HOMER1: variants seen among roughly 807,000 people sequenced by gnomAD.
HOMER1 encodes homer scaffold protein 1.
A neutral mutation model predicts 48.9 loss-of-function variants in HOMER1; 3 were observed. The ratio of observed to expected loss-of-function variants is 0.06; its 90% CI spans 0.03 to 0.16. The LOEUF (loss-of-function observed/expected upper bound fraction) is 0.16, where lower values mean the gene tolerates loss of function less well. Ranked by LOEUF, HOMER1 falls within the 10% of genes least tolerant of loss-of-function variation. The pLI is 1.00. For synonymous variants in HOMER1, 134 were observed against 146.4 expected (o/e 0.92, Z 0.61); for missense variants, 247 against 411.4 (o/e 0.60, Z 3.46).
At chr5:79,407,466 C>G (rs1169767290) in intron 5 of HOMER1, among the ~76,000 whole-genome samples, 1 of 152,110 alleles carries the variant, frequency 6.6e-6, no homozygotes, top group African/African-American at 2.4e-5. Flanking sequence ...CACGTTCACT[C>G]AGATTGTGAA....
At chr5:79,442,256 G>A (rs1175247257) in intron 4 of HOMER1, among the ~76,000 whole-genome samples, 2 of 152,110 alleles carry the variant, frequency 1.3e-5, no homozygotes, top group Admixed American at 1.3e-4. Context: ...ACTAACAGAT[G>A]CAACCTATTA....
chr5:79,505,316 G>T (rs1009552396), intron 1 of HOMER1, among the ~76,000 whole-genome samples: 30 of 152,130 alleles, frequency 2.0e-4, no homozygotes, highest in Non-Finnish European at 1.5e-5. Flanking sequence ...CTATGGAAAG[G>T]GGGGGAATCA....
At chr5:79,508,383 G>T (rs1246476049) in intron 1 of HOMER1, among the ~76,000 whole-genome samples, 1 of 152,188 alleles carries the variant, frequency 6.6e-6, no homozygotes, top group Non-Finnish European at 1.5e-5. Context: ...ATATTGGGTT[G>T]CAATGTAAAG....
At chr5:79,448,877 A>G (rs1314175939) in intron 3 of HOMER1, among the ~76,000 whole-genome samples, 2 of 152,104 alleles carry the variant, frequency 1.3e-5, no homozygotes, top group East Asian at 3.9e-4. Flanking sequence ...CCAAGAGCTT[A>G]AGAGCTGTTT....
rs1437352794 is a variant in HOMER1 at position 79,457,006 on chromosome 5, G to A, written c.18C>T (p.Ile6=). The A allele has an allele frequency of 6.2e-7, 1 of 1,614,104 alleles. No individual in the cohort carries two copies. Among genetic ancestry groups the A allele is most frequent in the Non-Finnish European group, 8.5e-7 (1 of 1,179,950 alleles). The change falls in exon 2 of 9, where the codon ATC becomes ATT. Residue 6 remains isoleucine, a synonymous_variant. Transcript: ENST00000334082. ...GGAAGACATGAGCTCGAGTGCTGAA[G>A]ATAGGTTGTTCCCTGCAGGGCAGAA... The part of the protein sequence containing the change: MGEQP[I]FSTRAHVFQI...
chr5:79,449,897 A>G (rs1355184577), intron 3 of HOMER1, among the ~76,000 whole-genome samples: 1 of 152,248 alleles, frequency 6.6e-6, no homozygotes, highest in African/African-American at 2.4e-5. Context: ...AAACACTTGA[A>G]AACAGTGTTA....
At chr5:79,424,918 G>A (rs543647749) in intron 5 of HOMER1, among the ~76,000 whole-genome samples, 3 of 152,068 alleles carry the variant, frequency 2.0e-5, no homozygotes, top group Non-Finnish European at 4.4e-5. Flanking sequence ...ACAAAACACG[G>A]GATGCCACGC....
At position 79,510,083 on chromosome 5, in the gene HOMER1, A is replaced by G. The variant is rs55872233; in HGVS notation, c.5+2687T>C. Reference sequence around the variant, plus strand: ...GCATAAATACGCATAAAGTGTGGAAACGTCAGCAAATGCCTTTGCTGTATG... The same window carrying G: ...GCATAAATACGCATAAAGTGTGGAAGCGTCAGCAAATGCCTTTGCTGTATG... On this transcript the variant is annotated intron_variant, in intron 1 of 8. Transcript: ENST00000334082. Among the ~76,000 whole-genome samples the G allele has an allele frequency of 8.7e-3, 1,320 of 152,232 alleles. 14 individuals are homozygous for G. Among genetic ancestry groups the G allele is most frequent in the Middle Eastern group, 0.014 (4 of 294 alleles).
At chr5:79,455,020 A>T (rs910474247) in intron 2 of HOMER1, among the ~76,000 whole-genome samples, 1 of 152,032 alleles carries the variant, frequency 6.6e-6, no homozygotes, top group African/African-American at 2.4e-5. Flanking sequence ...ATATAATCAT[A>T]GCTCACTGCA....
chr5:79,422,693 T>A (rs11952613), intron 5 of HOMER1, among the ~76,000 whole-genome samples: 4,689 of 151,958 alleles, frequency 0.031, 227 homozygotes, highest in African/African-American at 0.11. Context: ...TAAACCCAAG[T>A]AGGCCCTTTA....
Position 79,396,922 on chromosome 5 carries a change from T to C in HOMER1, c.796-19A>G, listed in dbSNP as rs368048209. The C allele has an allele frequency of 1.1e-4, 156 of 1,369,064 alleles. No individual in the cohort carries two copies. In the African/African-American group the frequency reaches 2.1e-3, roughly 19 times the overall value. The allele number at this position is 1,369,064 out of a possible 1,614,324, so 84.8% of individuals were successfully genotyped here. ...CTATTTCCTAGAAAAGACAGAGCAATGTCTTAACATTCAAACTATATCAAG... is the reference window on the plus strand; with the variant it reads ...CTATTTCCTAGAAAAGACAGAGCAACGTCTTAACATTCAAACTATATCAAG... On this transcript the variant is annotated intron_variant, in intron 7 of 8. Transcript: ENST00000334082.
rs780276858 is a variant in HOMER1, at chr5:79,374,581, T to C, written c.*1428A>G. Reference sequence around the variant, plus strand: ...GAAGTCAGTGCATTTATAGACTCCATAGAGTCAGTTACTCAAGCATACACT... The same window carrying C: ...GAAGTCAGTGCATTTATAGACTCCACAGAGTCAGTTACTCAAGCATACACT... On this transcript the variant is annotated 3_prime_UTR_variant, in exon 9 of 9. Transcript: ENST00000334082. The C allele has an allele frequency of 2.6e-5, 4 of 151,970 alleles. No homozygotes were observed. Among genetic ancestry groups the C allele is most frequent in the African/African-American group, 4.8e-5 (2 of 41,416 alleles). 9.4% of individuals were successfully genotyped at this position (151,970 alleles called of 1,614,324 possible). A position where few individuals can be genotyped will look rare whatever the true frequency, so the allele number is the denominator to read the frequency against.
intron 1 of HOMER1, chr5:79,510,292 C>A: frequency 5.6e-6 from 2 of 357,882 alleles, no homozygotes; most frequent in South Asian, 2.5e-5. Context: ...CATTTATAAA[C>A]AAATTAATTA....
intron 5 of HOMER1, among the ~76,000 whole-genome samples, chr5:79,414,229 T>TG (rs1197861935): frequency 6.7e-6 from 1 of 150,270 alleles, no homozygotes; most frequent in Admixed American, 6.6e-5. Flanking sequence ...ACTACAGGCA[T>TG]GCAACCATAC....
intron 5 of HOMER1, among the ~76,000 whole-genome samples, chr5:79,405,358 A>G (rs1448520155): frequency 2.6e-5 from 4 of 152,200 alleles, no homozygotes; most frequent in Non-Finnish European, 5.9e-5. Flanking sequence ...TAAGCCATGC[A>G]GTCTACAGCA....
chr5:79,457,731 C>G (rs1460903122), intron 1 of HOMER1, among the ~76,000 whole-genome samples: 3 of 152,112 alleles, frequency 2.0e-5, no homozygotes, highest in Non-Finnish European at 4.4e-5. Flanking sequence ...ATGTCGTGAG[C>G]AGAGGATGGT....
chr5:79,392,969 G>C (rs1460359535), intron 8 of HOMER1, among the ~76,000 whole-genome samples: 2 of 151,724 alleles, frequency 1.3e-5, no homozygotes, highest in African/African-American at 4.8e-5. Flanking sequence ...GAGAGAGAGA[G>C]AGAGAGAGAG....
chr5:79,499,271 T>A (rs1752508435), intron 1 of HOMER1, among the ~76,000 whole-genome samples: 1 of 152,220 alleles, frequency 6.6e-6, no homozygotes, highest in African/African-American at 2.4e-5. Flanking sequence ...CAGAGGCTCA[T>A]GTGCCCAATA....
intron 5 of HOMER1, among the ~76,000 whole-genome samples, chr5:79,428,684 T>C (rs1332984033): frequency 2.0e-5 from 3 of 152,146 alleles, no homozygotes; most frequent in African/African-American, 7.2e-5. Context: ...ATTTCATTTA[T>C]AATAGCACCA....
Sources: allele counts gnomAD v4.1 joint callset (sites outside exome capture counted in the v4.1 genomes callset), GRCh38; gene constraint gnomAD v4.1.1; transcripts MANE v1.5; gene names NCBI Gene and HGNC (gene_info 2026-07-23, HGNC 2026-07-21).